The following RALYL variants were observed in gnomAD, a reference collection of about 807,000 sequenced individuals.
The protein encoded by RALYL is RNA-binding Raly-like protein.
In RALYL, 29 loss-of-function variants were observed where a neutral mutation model predicts 35.1. The observed-to-expected ratio is 0.83, with a 90% confidence interval of 0.61 to 1.13. The LOEUF (loss-of-function observed/expected upper bound fraction) is 1.13. Among genes scored for constraint, RALYL ranks in the 50% most tolerant of loss-of-function variants. The pLI is 0.00. For synonymous variants in RALYL, 120 were observed against 127.6 expected, an observed-to-expected ratio of 0.94 and a Z score of 0.40; for missense variants, 359 against 360.4, an observed-to-expected ratio of 1.00 and a Z score of 0.03.
chr8:84,785,689 TAGTG>T (rs1819273921), intron 3 of RALYL, among the ~76,000 whole-genome samples: 1 of 152,196 alleles, frequency 6.6e-6, no homozygotes, highest in Non-Finnish European at 1.5e-5. Flanking sequence ...TTATTTATAA[TAGTG>T]AGTAATTTAT....
intron 2 of RALYL, among the ~76,000 whole-genome samples, chr8:84,537,159 TA>T (rs11284312): frequency 0.4 from 55,828 of 138,848 alleles, 11,162 homozygotes; most frequent in East Asian, 0.5. Flanking sequence ...ATATATATAT[TA>T]AAAAAAAAAA....
Position 84,732,683 on chromosome 8 carries a change from T to TATATATATATATATATATACAC in RALYL, c.257-41895_257-41894insTATATATATATATATATACACA. Among the ~76,000 whole-genome samples, 15 of 133,196 alleles carry TATATATATATATATATATACAC rather than the reference T, an allele frequency of 1.1e-4. 1 individual carries two copies. The highest frequency in any genetic ancestry group is 4.6e-4 in the African/African-American group (15 of 32,880). The allele number at this position is 133,196 out of a possible 152,430, so 87.4% of individuals were successfully genotyped here. ...TATTAAATAATTATATATATATATA[T>TATATATATATATATATATACAC]ACACACACACACACATATATATAAT... On this transcript the variant is annotated intron_variant, in intron 2 of 8. Coordinates refer to ENST00000521268, the MANE Select transcript of RALYL (RefSeq NM_173848.7).
intron 3 of RALYL, among the ~76,000 whole-genome samples, chr8:84,798,313 T>A (rs1034150700): frequency 7.5e-6 from 1 of 132,606 alleles, no homozygotes. Flanking sequence ...GAACAAGGAT[T>A]CGAGGACTCA....
At chr8:84,250,768 G>C (rs1236094447) in intron 1 of RALYL, among the ~76,000 whole-genome samples, 1 of 152,046 alleles carries the variant, frequency 6.6e-6, no homozygotes, top group Non-Finnish European at 1.5e-5. Context: ...TACTTTCTTG[G>C]AGACTTTTAC....
At chr8:84,771,867 G>C (rs1290107849) in intron 2 of RALYL, among the ~76,000 whole-genome samples, 1 of 151,992 alleles carries the variant, frequency 6.6e-6, no homozygotes, top group Non-Finnish European at 1.5e-5. Flanking sequence ...TAATGAAGCA[G>C]AATTTATCAA....
chr8:84,204,284 A>T (rs1817580288), intron 1 of RALYL, among the ~76,000 whole-genome samples: 1 of 152,162 alleles, frequency 6.6e-6, no homozygotes, highest in Non-Finnish European at 1.5e-5. Context: ...CACCACAAAA[A>T]TATATCTTTT....
At chr8:84,186,526 C>G (rs866388646) in intron 1 of RALYL, among the ~76,000 whole-genome samples, 5 of 152,010 alleles carry the variant, frequency 3.3e-5, no homozygotes, top group Non-Finnish European at 5.9e-5. Context: ...CTTGAATGAT[C>G]GAACCTGCAT....
intron 1 of RALYL, among the ~76,000 whole-genome samples, chr8:84,286,533 C>T (rs1010303093): frequency 2.0e-5 from 3 of 152,114 alleles, no homozygotes; most frequent in Admixed American, 6.6e-5. Context: ...CAGAGCACCT[C>T]GCAAGGAGAA....
At chr8:84,332,999 C>G (rs956380063) in intron 1 of RALYL, among the ~76,000 whole-genome samples, 11 of 152,120 alleles carry the variant, frequency 7.2e-5, no homozygotes, top group Non-Finnish European at 2.9e-5. Flanking sequence ...CCTACGCTAA[C>G]GAAGAGAATT....
chr8:84,594,896 A>G (rs2130618837), intron 2 of RALYL, among the ~76,000 whole-genome samples: 1 of 151,848 alleles, frequency 6.6e-6, no homozygotes, highest in East Asian at 1.9e-4. Context: ...TCACACTTTT[A>G]TGAACCTTGA....
chr8:84,336,210 A>G (rs1847773581), intron 1 of RALYL, among the ~76,000 whole-genome samples: 1 of 152,042 alleles, frequency 6.6e-6, no homozygotes, highest in Non-Finnish European at 1.5e-5. Context: ...ATTTTTTTTA[A>G]CCTTATGGAC....
chr8:84,314,189 G>T (rs541066205), intron 1 of RALYL, among the ~76,000 whole-genome samples: 26 of 152,066 alleles, frequency 1.7e-4, no homozygotes, highest in African/African-American at 6.0e-4. Flanking sequence ...ATTATCAAGG[G>T]TACAACATGG....
chr8:84,603,253 C>T (rs1001408753), intron 2 of RALYL, among the ~76,000 whole-genome samples: 2 of 151,812 alleles, frequency 1.3e-5, no homozygotes, highest in African/African-American at 4.8e-5. Context: ...TCTTAATTCC[C>T]CCAAAACATG....
intron 3 of RALYL, among the ~76,000 whole-genome samples, chr8:84,777,831 C>T (rs973632148): frequency 6.6e-6 from 1 of 151,246 alleles, no homozygotes; most frequent in African/African-American, 2.5e-5. Flanking sequence ...TTAGTAGAGG[C>T]AGCATTTCAC....
chr8:84,533,286 T>A (rs759771363), intron 2 of RALYL, among the ~76,000 whole-genome samples: 22 of 152,172 alleles, frequency 1.4e-4, no homozygotes, highest in Non-Finnish European at 3.1e-4. Flanking sequence ...TAGAACTTTT[T>A]TCCTCAAACA....
intron 2 of RALYL, among the ~76,000 whole-genome samples, chr8:84,687,296 A>G (rs1291470083): frequency 6.6e-6 from 1 of 152,060 alleles, no homozygotes; most frequent in East Asian, 1.9e-4. Flanking sequence ...CTATGAGTCT[A>G]TTTCATTTCA....
At chr8:84,364,017 T>C (rs1853666963) in intron 1 of RALYL, among the ~76,000 whole-genome samples, 2 of 152,150 alleles carry the variant, frequency 1.3e-5, no homozygotes, top group South Asian at 4.1e-4. Flanking sequence ...TACCTATTGT[T>C]CTACAACTCA....
intron 2 of RALYL, among the ~76,000 whole-genome samples, chr8:84,735,816 G>A: frequency 8.4e-6 from 1 of 119,660 alleles, no homozygotes; most frequent in South Asian, 2.5e-4. Flanking sequence ...AACCGCGAGA[G>A]AGAGAGAGAG....
At chr8:84,654,608 A>T (rs898915639) in intron 2 of RALYL, among the ~76,000 whole-genome samples, 1 of 151,806 alleles carries the variant, frequency 6.6e-6, no homozygotes, top group Non-Finnish European at 1.5e-5. Flanking sequence ...TCTGGTAACT[A>T]TCCTTCTACT....
Sources: gnomAD v4.1 joint callset for allele counts (sites outside exome capture counted in the v4.1 genomes callset) on GRCh38, gnomAD v4.1.1 for gene constraint, MANE v1.5 for transcripts, NCBI Gene and HGNC (gene_info 2026-07-23, HGNC 2026-07-21) for gene names.